The following SERPINA12 variants were observed in gnomAD, a reference collection of about 807,000 sequenced individuals.
The protein encoded by SERPINA12 is serpin A12.
Under a neutral mutation model 25.9 loss-of-function variants are expected in SERPINA12, and 21 were observed. That is an observed-to-expected ratio of 0.81 (90% confidence interval 0.58 to 1.17). The LOEUF is 1.17. Among genes scored for constraint, SERPINA12 ranks in the 50% most tolerant of loss-of-function variants. The pLI is 0.00. For missense variants in SERPINA12, 562 were observed against 508.3 expected, an observed-to-expected ratio of 1.11 and a Z score of -1.02; for synonymous variants, 220 against 196.0, an observed-to-expected ratio of 1.12 and a Z score of -1.02.
At position 94,498,089 on chromosome 14, in the gene SERPINA12, G is replaced by A; in HGVS notation, c.309C>T (p.Asn103=). 6.2e-7 allele frequency: 1 copy of A among 1,614,170 alleles called. No homozygotes were observed. The highest frequency in any genetic ancestry group is 8.5e-7 in the Non-Finnish European group (1 of 1,180,038). Reference sequence around the variant, plus strand: ...GATCTTTTTCTGGCATCTTTCTGAAGTTGAACCCCTGCTTGATCTCGTCCA... The same window carrying A: ...GATCTTTTTCTGGCATCTTTCTGAAATTGAACCCCTGCTTGATCTCGTCCA... ...STLDEIKQGF[N]FRKMPEKDLH... Residue 103 remains asparagine (N), a synonymous_variant, in exon 2 of 5, where the codon AAC becomes AAT. Transcript: ENST00000677451.
upstream of SERPINA12, chr14:94,511,784 C>T: frequency 1.1e-6 from 1 of 917,748 alleles, no homozygotes; most frequent in Non-Finnish European, 1.3e-6. Flanking sequence ...AGAAATAACA[C>T]AAGTCCTCAT....
chr14:94,502,213 C>T (rs1399396287), intron 1 of SERPINA12, among the ~76,000 whole-genome samples: 1 of 152,126 alleles, frequency 6.6e-6, no homozygotes, highest in African/African-American at 2.4e-5. Context: ...ATCCTGCTCC[C>T]ATGTTCCCTA....
At chr14:94,506,348 G>A (rs988802349) in intron 1 of SERPINA12, among the ~76,000 whole-genome samples, 5 of 152,220 alleles carry the variant, frequency 3.3e-5, no homozygotes, top group Non-Finnish European at 5.9e-5. Flanking sequence ...CTGGTCTGAT[G>A]GGAACACAGA....
At chr14:94,489,854 G>T in intron 3 of SERPINA12, 87 bp from the exon 4 acceptor site, 1 of 1,351,568 alleles carries the variant, frequency 7.4e-7, no homozygotes. Context: ...TGAAACATGT[G>T]TCCTCCCAGC....
rs527537858 is a variant in SERPINA12, at chr14:94,494,970, G to A, written c.905+1403C>T. Among the ~76,000 whole-genome samples, 3 of 152,212 alleles carry A rather than the reference G, an allele frequency of 2.0e-5. No homozygotes were observed. In the South Asian group the frequency reaches 6.2e-4, roughly 32 times the overall value. ...GCAGGTGAGACTATGCAGATCTCAA[G>A]GGATGGCAACGCTCTTGGGATGCTC... is the stretch of plus-strand genomic sequence containing the variant. On this transcript the variant is annotated intron_variant, in intron 3 of 4. Transcript: ENST00000677451.
At chr14:94,497,626 G>T in intron 2 of SERPINA12, 138 bp downstream of exon 2, 1 of 740,238 alleles carries the variant, frequency 1.4e-6, no homozygotes, top group Non-Finnish European at 2.2e-6. Flanking sequence ...CCATTTTACA[G>T]ATAGGAAAAG....
intron 2 of SERPINA12, among the ~76,000 whole-genome samples, chr14:94,514,626 C>G (rs952131212): frequency 6.6e-6 from 1 of 152,146 alleles, no homozygotes; most frequent in Non-Finnish European, 1.5e-5. Flanking sequence ...TGTAGGTGTC[C>G]GGCAGTTGGG....
In SERPINA12 at chr14:94,498,251, T is replaced by G; in HGVS notation, c.147A>C (p.Ala49=). The change falls in exon 2 of 5, where the codon GCA becomes GCC. Residue 49 remains alanine (A), a synonymous_variant. Transcript: ENST00000677451. ...TAAAGCCTAAGTCCATGTTCTGCCT[T>G]GCAAGCTCCTTGGCTGCCATCCTTT... ...WKQRMAAKEL[A]RQNMDLGFKL... 6.2e-7 allele frequency: 1 copy of G among 1,614,212 alleles called. No individual in the cohort carries two copies. Among genetic ancestry groups the G allele is most frequent in the Non-Finnish European group, 8.5e-7 (1 of 1,180,018 alleles).
At chr14:94,512,786 T>C (rs189350054), upstream of SERPINA12, among the ~76,000 whole-genome samples, 1 of 152,342 alleles carries the variant, frequency 6.6e-6, no homozygotes, top group African/African-American at 2.4e-5. Context: ...AATAGGGTTA[T>C]CTGTTCACAT....
chr14:94,500,715 A>G (rs1900681068), intron 1 of SERPINA12, among the ~76,000 whole-genome samples: 1 of 152,176 alleles, frequency 6.6e-6, no homozygotes, highest in African/African-American at 2.4e-5. Flanking sequence ...AGACAAAGCC[A>G]TAGCACAAAG....
At chr14:94,510,423 C>G (rs561775485), upstream of SERPINA12, among the ~76,000 whole-genome samples, 3 of 151,830 alleles carry the variant, frequency 2.0e-5, no homozygotes, top group African/African-American at 7.3e-5. Flanking sequence ...TACAAGATGG[C>G]CATAATTAAA....
Position 94,487,475 on chromosome 14 carries a change from A to G in SERPINA12, c.1073T>C (p.Leu358Pro), listed in dbSNP as rs1899952390. ...KVGEAVHKAE[L>P]KMDERGTEGA... Reference sequence around the variant, plus strand: ...TTCCGTACCCCTCTCATCCATCTTCAGCTCAGCCTTGTGCACAGCCTACGG... The same window carrying G: ...TTCCGTACCCCTCTCATCCATCTTCGGCTCAGCCTTGTGCACAGCCTACGG... Residue 358 changes from leucine to proline, a missense_variant, in exon 5 of 5, where the codon CTG (leucine) becomes CCG (proline). Leu to Pro is a moderately conservative substitution (Grantham distance 98). Coordinates refer to ENST00000677451, the MANE Select transcript of SERPINA12 (RefSeq NM_001382267.1). The G allele has an allele frequency of 3.7e-6, 6 of 1,613,330 alleles. No individual in the cohort carries two copies. The highest frequency in any genetic ancestry group is 4.2e-6 in the Non-Finnish European group (5 of 1,179,692).
rs1204699910 is a variant in SERPINA12 at position 94,487,280 on chromosome 14, C to A, written c.*23G>T. The A allele has an allele frequency of 2.5e-6, 4 of 1,599,248 alleles. No individual in the cohort carries two copies. The African/African-American group carries it at 5.4e-5, about 21-fold the overall frequency. ...TTCAACCCCAAGCCATGTTCGGGGTCTGTGGCAAGCAGGAATTCTCCTTTA... is the reference window on the plus strand; with the variant it reads ...TTCAACCCCAAGCCATGTTCGGGGTATGTGGCAAGCAGGAATTCTCCTTTA... On this transcript the variant is annotated 3_prime_UTR_variant, in exon 5 of 5. Transcript: ENST00000677451.
intron 3 of SERPINA12, among the ~76,000 whole-genome samples, chr14:94,495,529 C>T (rs17090967): frequency 0.075 from 11,355 of 152,202 alleles, 488 homozygotes; most frequent in East Asian, 0.098. Context: ...CTCTTGGTAC[C>T]GTCCTTGGTG....
intron 1 of SERPINA12, among the ~76,000 whole-genome samples, chr14:94,505,931 C>T (rs1454866107): frequency 6.6e-6 from 1 of 152,212 alleles, no homozygotes; most frequent in Non-Finnish European, 1.5e-5. Flanking sequence ...CCTGTCCTGC[C>T]TGGGGAAAAG....
At chr14:94,493,812 A>G (rs2236241) in intron 3 of SERPINA12, among the ~76,000 whole-genome samples, 30,500 of 152,182 alleles carry the variant, frequency 0.2, 3,131 homozygotes, top group East Asian at 0.32. Context: ...CAAAGGTTCT[A>G]TTTCACTCTT....
intron 3 of SERPINA12, among the ~76,000 whole-genome samples, chr14:94,494,666 C>G (rs1900318404): frequency 6.6e-6 from 1 of 152,178 alleles, no homozygotes; most frequent in Non-Finnish European, 1.5e-5. Flanking sequence ...ATTCAATAAA[C>G]CAGAAGTTCA....
chr14:94,503,722 G>A (rs975175380), intron 1 of SERPINA12, among the ~76,000 whole-genome samples: 2 of 152,244 alleles, frequency 1.3e-5, no homozygotes, highest in African/African-American at 2.4e-5. Context: ...AGGCTGCTTC[G>A]CCTCACTTTC....
At chr14:94,510,481 G>A (rs932064348), upstream of SERPINA12, among the ~76,000 whole-genome samples, 1 of 152,196 alleles carries the variant, frequency 6.6e-6, no homozygotes, top group Non-Finnish European at 1.5e-5. Flanking sequence ...TGAATGTGGT[G>A]AAAGGGAACA....
Sources: allele counts gnomAD v4.1 joint callset (sites outside exome capture counted in the v4.1 genomes callset), GRCh38; gene constraint gnomAD v4.1.1; transcripts MANE v1.5; gene names NCBI Gene and HGNC (gene_info 2026-07-23, HGNC 2026-07-21).